The following RAPGEF3 variants were observed in gnomAD, a reference collection of about 807,000 sequenced individuals.
RAPGEF3 encodes the protein 9330170P05Rik.
In RAPGEF3, 103 loss-of-function variants were observed where a neutral mutation model predicts 129.8. The observed-to-expected ratio is 0.79, with a 90% confidence interval of 0.68 to 0.93. RAPGEF3 has a LOEUF of 0.93. Ranked by LOEUF, RAPGEF3 falls within the 40% of genes least tolerant of loss-of-function variation. The pLI is 0.00. For missense variants in RAPGEF3, 1,117 were observed against 1,207.4 expected (o/e 0.93, Z 1.11); for synonymous variants, 436 against 482.6 (o/e 0.90, Z 1.26).
chr12:47,740,271 G>A, intron 22 of RAPGEF3, 34 bp downstream of exon 22: 1 of 1,612,792 alleles, frequency 6.2e-7, no homozygotes, highest in Non-Finnish European at 8.5e-7. Context: ...CCTGAGGCCT[G>A]ACCTCAGGAG....
At chr12:47,744,238 A>ACCAAGGAT in intron 16 of RAPGEF3, 170 bp from the exon 17 acceptor site, 1 of 618,636 alleles carries the variant, frequency 1.6e-6, no homozygotes. Flanking sequence ...GGCACCTGGG[A>ACCAAGGAT]CCAAGGATCC....
chr12:47,751,020 G>A lies in RAPGEF3; in HGVS notation c.671+28C>T, dbSNP rs1408511808. On this transcript the variant is annotated intron_variant, in intron 6 of 27. Transcript: ENST00000449771. ...ATCTGAGTGCTGTGTGAGGCCTGGG[G>A]TCACGGGGTGCAGGGATTCTGACTC... 1.9e-6 allele frequency: 3 copies of A among 1,588,172 alleles called. No individual in the cohort carries two copies. In the East Asian group the frequency reaches 6.8e-5, roughly 36 times the overall value.
intron 12 of RAPGEF3, 29 bp from the exon 13 acceptor site, chr12:47,748,181 A>T (rs766368382): frequency 2.0e-6 from 3 of 1,498,936 alleles, no homozygotes; most frequent in African/African-American, 2.8e-5. Flanking sequence ...GGATGGGAGG[A>T]GGCTTCAGAG....
Position 47,739,188 on chromosome 12 carries a change from T to C in RAPGEF3, c.2416A>G (p.Lys806Glu), listed in dbSNP as rs1227938967. Residue 806 changes from lysine to glutamate, a missense_variant, in exon 24 of 28, where the codon AAG (lysine) becomes GAG (glutamate). Around this residue, in one of 3 missense-constraint regions of RAPGEF3, gnomAD observed 643 missense variants for 673.4 expected, o/e 0.95. Transcript: ENST00000449771. ...AAGGGGATGACAGGAGGGGAGAGCT[T>C]GGCGAGGGCCAGTCGGTATACCCGG... is the stretch of plus-strand genomic sequence containing the variant. ...NHRVYRLALAKLSPPVIPFMP... is the reference protein window; with the variant it reads ...NHRVYRLALAELSPPVIPFMP... 6.2e-7 allele frequency: 1 copy of C among 1,610,190 alleles called. No individual in the cohort carries two copies. Among genetic ancestry groups the C allele is most frequent in the Non-Finnish European group, 8.5e-7 (1 of 1,178,380 alleles).
At chr12:47,750,250 A>G (rs1173429980) in intron 7 of RAPGEF3, 91 bp downstream of exon 7, 2 of 1,362,236 alleles carry the variant, frequency 1.5e-6, no homozygotes, top group African/African-American at 2.9e-5. Flanking sequence ...AAGTGGAGAA[A>G]TGCCCTCTGG....
At chr12:47,739,078 G>C in intron 24 of RAPGEF3, 65 bp downstream of exon 24, 4 of 1,370,218 alleles carry the variant, frequency 2.9e-6, no homozygotes, top group Non-Finnish European at 4.1e-6. Context: ...GAGGCAGGAA[G>C]GGGGAAATGG....
In RAPGEF3 at chr12:47,757,851, G is replaced by A; in HGVS notation, c.219+15C>T. 1 of 1,548,876 alleles carries A rather than the reference G, an allele frequency of 6.5e-7. No homozygotes were observed. Among genetic ancestry groups the A allele is most frequent in the Non-Finnish European group, 8.7e-7 (1 of 1,146,450 alleles). On this transcript the variant is annotated intron_variant, in intron 2 of 27. Coordinates refer to ENST00000449771, the MANE Select transcript of RAPGEF3 (RefSeq NM_001098531.4). ...GGTACTGGCCCTGGCACCTGGGCAG[G>A]TGAAAGGTACTCACCCAGCGCAGCC...
chr12:47,751,705 AG>A lies in RAPGEF3; in HGVS notation c.380+17del. ...AAGCAGTGAGGCTGGGCAAGGAGGC[AG>A]CAGGGCCTCCACTCACCGATAGAGC... is the stretch of plus-strand genomic sequence containing the variant. On this transcript the variant is annotated intron_variant, in intron 4 of 27. Transcript: ENST00000449771. 6.2e-7 allele frequency: 1 copy of A among 1,609,518 alleles called. No homozygotes were observed. The highest frequency in any genetic ancestry group is 8.5e-7 in the Non-Finnish European group (1 of 1,177,852).
At chr12:47,743,744 G>T in intron 17 of RAPGEF3, 68 bp from the exon 18 acceptor site, 1 of 1,560,352 alleles carries the variant, frequency 6.4e-7, no homozygotes, top group Non-Finnish European at 8.7e-7. Context: ...GGAGAGGGCG[G>T]CTATTGCAGT....
chr12:47,743,791 G>A, intron 17 of RAPGEF3, 115 bp from the exon 18 acceptor site: 2 of 1,456,596 alleles, frequency 1.4e-6, no homozygotes, highest in Non-Finnish European at 1.9e-6. Flanking sequence ...TGAGCTGCAG[G>A]TGGGGAGGCC....
intron 23 of RAPGEF3, chr12:47,739,647 T>A: frequency 2.7e-6 from 1 of 375,424 alleles, no homozygotes; most frequent in Non-Finnish European, 5.0e-6. Flanking sequence ...TCCAGAATAG[T>A]CAAAACCCTC....
At chr12:47,743,135 T>TAA (rs1392713160) in intron 18 of RAPGEF3, among the ~76,000 whole-genome samples, 1 of 152,262 alleles carries the variant, frequency 6.6e-6, no homozygotes, top group Non-Finnish European at 1.5e-5. Flanking sequence ...CTAATACTTA[T>TAA]GTATCACTAT....
Position 47,749,184 on chromosome 12 carries a change from A to G in RAPGEF3, c.1041+206T>C. On this transcript the variant is annotated intron_variant, in intron 10 of 27. Coordinates refer to ENST00000449771, the MANE Select transcript of RAPGEF3 (RefSeq NM_001098531.4). This position sits in a 1 kb window ranked among gnomAD's most constrained non-coding sequence, Gnocchi z 4.5. ...GGTCTCCCACACTGAGCCTGAAGTC[A>G]CTGGTCTCACTGAACTCCTTCTGTG... The G allele has an allele frequency of 1.5e-6, 1 of 672,676 alleles. No individual in the cohort carries two copies. Among genetic ancestry groups the G allele is most frequent in the Non-Finnish European group, 2.5e-6 (1 of 392,856 alleles). 41.7% of individuals were successfully genotyped at this position (672,676 alleles called of 1,614,324 possible).
chr12:47,738,098 G>A lies in RAPGEF3; in HGVS notation c.2582-5C>T, dbSNP rs370596558. The A allele has an allele frequency of 6.2e-5, 100 of 1,613,926 alleles. No homozygotes were observed. Among genetic ancestry groups the A allele is most frequent in the Admixed American group, 3.7e-4 (22 of 60,008 alleles). ...TTCTGAGTGGTGAGAGAGGCACTGC[G>A]GGGGTGGGGAGGGGTCATGGAGTCA... is the stretch of plus-strand genomic sequence containing the variant. On this transcript the variant is annotated splice_polypyrimidine_tract_variant and splice_region_variant and intron_variant, in intron 26 of 27. Coordinates refer to ENST00000449771, the MANE Select transcript of RAPGEF3 (RefSeq NM_001098531.4).
chr12:47,747,607 C>CG lies in RAPGEF3; in HGVS notation c.1492_1493insC (p.Gly498AlafsTer62). On this transcript the variant is annotated frameshift_variant, in exon 15 of 28. Transcript: ENST00000449771. LOFTEE classifies it high-confidence loss of function. ...CAGGTTGCTGAGTCGGGTGTCCCTGCCCACCAGGTCTGAGAGTTTCTAAGA... is the reference window on the plus strand; with the variant it reads ...CAGGTTGCTGAGTCGGGTGTCCCTGCGCCACCAGGTCTGAGAGTTTCTAAGA... 6.2e-7 allele frequency: 1 copy of CG among 1,614,052 alleles called. No individual in the cohort carries two copies. Among genetic ancestry groups the CG allele is most frequent in the Non-Finnish European group, 8.5e-7 (1 of 1,179,914 alleles).
At chr12:47,751,642 T>G in intron 4 of RAPGEF3, 81 bp downstream of exon 4, 1 of 1,598,254 alleles carries the variant, frequency 6.3e-7, no homozygotes, top group South Asian at 1.1e-5. Context: ...AGAAGCAGGG[T>G]GAGGCCCAGG....
Position 47,747,525 on chromosome 12 carries a change from A to G in RAPGEF3, c.1556+19T>C. ...CTGCCAGTTATGGAAATGACAAATT[A>G]ACAGAGTCAAAGCATCACCTGTGGC... On this transcript the variant is annotated intron_variant, in intron 15 of 27. Transcript: ENST00000449771. 1 of 1,610,414 alleles carries G rather than the reference A, an allele frequency of 6.2e-7. No homozygotes were observed. Among genetic ancestry groups the G allele is most frequent in the Non-Finnish European group, 8.5e-7 (1 of 1,177,118 alleles).
intron 2 of RAPGEF3, among the ~76,000 whole-genome samples, chr12:47,754,951 G>C (rs1454930251): frequency 6.6e-6 from 1 of 152,208 alleles, no homozygotes; most frequent in Non-Finnish European, 1.5e-5. Flanking sequence ...TGTCAGAGCT[G>C]GGCTGGAGAG....
At position 47,750,431 on chromosome 12, in the gene RAPGEF3, G is replaced by A. The variant is rs371006383; in HGVS notation, c.672-6C>T. 1.2e-5 allele frequency: 19 copies of A among 1,611,610 alleles called. No homozygotes were observed. The highest frequency in any genetic ancestry group is 4.2e-6 in the Non-Finnish European group (5 of 1,178,632). On this transcript the variant is annotated splice_region_variant and splice_polypyrimidine_tract_variant and intron_variant, in intron 6 of 27. Transcript: ENST00000449771. ...CATCCGTGCGCTGACCTGGGCTGCAGGGACAGGAGGAATGGGAGCACACTG... is the reference window on the plus strand; with the variant it reads ...CATCCGTGCGCTGACCTGGGCTGCAAGGACAGGAGGAATGGGAGCACACTG...
Sources: gnomAD v4.1 joint callset for allele counts (sites outside exome capture counted in the v4.1 genomes callset) on GRCh38, gnomAD v4.1.1 for gene constraint, gnomAD v4.1.1 regional missense constraint, Gnocchi (gnomAD v3.1) non-coding constraint, MANE v1.5 for transcripts, NCBI Gene and HGNC (gene_info 2026-07-23, HGNC 2026-07-21) for gene names.